RBM26: variants seen among roughly 807,000 people sequenced by gnomAD.
The protein encoded by RBM26 is RNA binding motif protein 26, also known as RNA-binding protein 26.
RBM26 carries 30 observed loss-of-function variants against 123.6 expected under a neutral mutation model. The observed-to-expected ratio is 0.24, with a 90% confidence interval of 0.18 to 0.33. The LOEUF is 0.33. Among genes scored for constraint, RBM26 ranks in the 10% least tolerant of loss-of-function variants. The pLI is 1.00. For missense variants in RBM26, 947 were observed against 1,203.6 expected (o/e 0.79, Z 3.15); for synonymous variants, 400 against 404.4 (o/e 0.99, Z 0.13).
intron 1 of RBM26, among the ~76,000 whole-genome samples, chr13:79,389,964 G>C (rs540707276): frequency 1.3e-5 from 2 of 152,032 alleles, no homozygotes; most frequent in African/African-American, 2.4e-5. Flanking sequence ...AGTGTTACTG[G>C]AAATACTAGT....
Position 79,355,336 on chromosome 13 carries a change from A to C in RBM26, c.1738T>G (p.Tyr580Asp). ...PEGALIQFAT[Y>D]EEAKKAISST... ...GATATTGCTTTCTTTGCTTCTTCGTATGTTGCAAATTGGATTAGGGCACCT... is the reference window on the plus strand; with the variant it reads ...GATATTGCTTTCTTTGCTTCTTCGTCTGTTGCAAATTGGATTAGGGCACCT... The change falls in exon 12 of 22, where the codon TAC becomes GAC. Residue 580 changes from tyrosine to aspartate, a missense_variant. By Grantham distance (160) the Tyr-to-Asp change is radical. Around this residue, in one of 5 missense-constraint regions of RBM26, gnomAD observed 493 missense variants for 563.1 expected, o/e 0.88. Transcript: ENST00000438737. The C allele has an allele frequency of 6.2e-7, 1 of 1,613,888 alleles. No individual in the cohort carries two copies. The highest frequency in any genetic ancestry group is 8.5e-7 in the Non-Finnish European group (1 of 1,179,850).
In RBM26 at chr13:79,352,147, C is replaced by T. The variant is rs530027647; in HGVS notation, c.2058+1006G>A. ...ACTCAGATTCAAATACCTAAAACTG[C>T]CAAAGTTTAACATTGTAAATAAAGA... On this transcript the variant is annotated intron_variant, in intron 14 of 21. Transcript: ENST00000438737. 2.0e-5 allele frequency among the ~76,000 whole-genome samples: 3 copies of T among 152,170 alleles called. No homozygotes were observed. The South Asian group carries it at 6.2e-4, about 32-fold the overall frequency.
At chr13:79,347,330 A>C (rs1220897476) in intron 14 of RBM26, among the ~76,000 whole-genome samples, 3 of 152,198 alleles carry the variant, frequency 2.0e-5, no homozygotes, top group Non-Finnish European at 4.4e-5. Flanking sequence ...ACCTGTGTCT[A>C]ACAATTATAA....
Position 79,405,822 on chromosome 13 carries a change from C to A in RBM26, c.-48G>T, listed in dbSNP as rs953779283. The A allele has an allele frequency of 7.8e-7, 1 of 1,284,460 alleles. No homozygotes were observed. The highest frequency in any genetic ancestry group is 1.1e-6 in the Non-Finnish European group (1 of 944,902). 79.6% of individuals were successfully genotyped at this position (1,284,460 alleles called of 1,614,324 possible). On this transcript the variant is annotated 5_prime_UTR_variant, in exon 1 of 22. Transcript: ENST00000438737. Reference sequence around the variant, plus strand: ...CACACTCCTCCGCCCGCCCAGGTCGCGGCCGCTACAGCCGCCGCTGCCCCC... The same window carrying A: ...CACACTCCTCCGCCCGCCCAGGTCGAGGCCGCTACAGCCGCCGCTGCCCCC...
chr13:79,373,481 A>T (rs377611110), intron 3 of RBM26, among the ~76,000 whole-genome samples: 76 of 2,946 alleles, frequency 0.026, no homozygotes, highest in Non-Finnish European at 0.037. Flanking sequence ...TAAATATACA[A>T]ATATATATAA....
chr13:79,366,526 GC>G, intron 7 of RBM26, 106 bp downstream of exon 7: 1 of 1,151,160 alleles, frequency 8.7e-7, no homozygotes, highest in Non-Finnish European at 1.2e-6. Context: ...TTTCTATCAG[GC>G]ATTTTTGGGA....
chr13:79,385,710 A>AT lies in RBM26; in HGVS notation c.72-6804dup, dbSNP rs1485594286. Among the ~76,000 whole-genome samples, 15 of 152,358 alleles carry AT rather than the reference A, an allele frequency of 9.8e-5. No individual in the cohort carries two copies. In the East Asian group the frequency reaches 2.9e-3, roughly 29 times the overall value. On this transcript the variant is annotated intron_variant, in intron 1 of 21. Transcript: ENST00000438737. ...ATATAATAAATCCATTAAAACTAGCATAAAAACTCTCTATATTTGTTTGAG... is the reference window on the plus strand; with the variant it reads ...ATATAATAAATCCATTAAAACTAGCATTAAAAACTCTCTATATTTGTTTGAG...
At chr13:79,318,032 G>A (rs1328765295), downstream of RBM26, among the ~76,000 whole-genome samples, 1 of 151,508 alleles carries the variant, frequency 6.6e-6, no homozygotes, top group Non-Finnish European at 1.5e-5. Flanking sequence ...GGGGAAGACA[G>A]ACATAAACCA....
downstream of RBM26, among the ~76,000 whole-genome samples, chr13:79,318,499 AAAT>A (rs2067354090): frequency 6.6e-6 from 1 of 151,102 alleles, no homozygotes; most frequent in African/African-American, 2.4e-5. Flanking sequence ...TTTATAATTA[AAAT>A]AATATTAATA....
intron 13 of RBM26, 109 bp downstream of exon 13, chr13:79,354,330 T>A: frequency 3.4e-6 from 3 of 875,510 alleles, no homozygotes; most frequent in Non-Finnish European, 4.7e-6. Flanking sequence ...ATGTAAAGAC[T>A]ATCATATTTC....
intron 20 of RBM26, among the ~76,000 whole-genome samples, chr13:79,330,070 A>G (rs1169231472): frequency 6.6e-6 from 1 of 152,180 alleles, no homozygotes; most frequent in African/African-American, 2.4e-5. Flanking sequence ...CCCTAAGTCG[A>G]TAACTGTTGA....
At chr13:79,339,220 T>C (rs2070961985) in intron 18 of RBM26, among the ~76,000 whole-genome samples, 1 of 152,142 alleles carries the variant, frequency 6.6e-6, no homozygotes. Flanking sequence ...ATCAAACTCA[T>C]AGAAGCAGAC....
chr13:79,349,322 G>C lies in RBM26; in HGVS notation c.2058+3831C>G, dbSNP rs896456494. Reference sequence around the variant, plus strand: ...ATCTAACTGAAGTTTTATATCTTTTGACCAACATTTCCCAATCCCCTGTCC... The same window carrying C: ...ATCTAACTGAAGTTTTATATCTTTTCACCAACATTTCCCAATCCCCTGTCC... On this transcript the variant is annotated intron_variant, in intron 14 of 21. Coordinates refer to ENST00000438737, the MANE Select transcript of RBM26 (RefSeq NM_001366735.2). 2.6e-5 allele frequency among the ~76,000 whole-genome samples: 4 copies of C among 151,852 alleles called. No individual in the cohort carries two copies. In the South Asian group the frequency reaches 8.3e-4, roughly 32 times the overall value.
At chr13:79,336,955 A>G in intron 19 of RBM26, 147 bp downstream of exon 19, 1 of 768,384 alleles carries the variant, frequency 1.3e-6, no homozygotes, top group Non-Finnish European at 2.1e-6. Context: ...TTGTTTTTAA[A>G]TTAACAAAAA....
intron 6 of RBM26, 24 bp from the exon 7 acceptor site, chr13:79,366,896 A>T (rs1248914029): frequency 6.5e-7 from 1 of 1,538,370 alleles, no homozygotes; most frequent in African/African-American, 1.4e-5. Context: ...ATAGTTAGAA[A>T]CAAATGTCAA....
chr13:79,365,527 C>T (rs778789078), intron 9 of RBM26, 51 bp downstream of exon 9: 1 of 1,429,816 alleles, frequency 7.0e-7, no homozygotes, highest in South Asian at 1.2e-5. Flanking sequence ...TAAATGTTTT[C>T]CCACTGTTTA....
chr13:79,344,054 C>T (rs2071877585), intron 16 of RBM26, among the ~76,000 whole-genome samples, 194 bp downstream of exon 16: 1 of 152,020 alleles, frequency 6.6e-6, no homozygotes, highest in African/African-American at 2.4e-5. Context: ...ATGTTGATAA[C>T]TATAGTACCA....
At chr13:79,399,230 C>T (rs1458013505) in intron 1 of RBM26, among the ~76,000 whole-genome samples, 1 of 152,156 alleles carries the variant, frequency 6.6e-6, no homozygotes, top group Non-Finnish European at 1.5e-5. Flanking sequence ...AAAGACAGTA[C>T]ACCATAATAC....
At chr13:79,342,580 C>G (rs2071599121) in intron 17 of RBM26, 84 bp downstream of exon 17, 1 of 1,110,808 alleles carries the variant, frequency 9.0e-7, no homozygotes, top group Non-Finnish European at 1.3e-6. Flanking sequence ...GAAGATATTA[C>G]CTACAAGAAA....
Sources: gnomAD v4.1 joint callset for allele counts (sites outside exome capture counted in the v4.1 genomes callset) on GRCh38, gnomAD v4.1.1 for gene constraint, gnomAD v4.1.1 regional missense constraint, MANE v1.5 for transcripts, NCBI Gene and HGNC (gene_info 2026-07-23, HGNC 2026-07-21) for gene names.